Variants in SLX4IP observed in about 807,000 individuals in gnomAD.
SLX4IP encodes SLX4 interacting protein, also known as protein SLX4IP.
SLX4IP carries 34 observed loss-of-function variants against 32.9 expected under a neutral mutation model. That is an observed-to-expected ratio of 1.03 (90% CI 0.79 to 1.38). The LOEUF (loss-of-function observed/expected upper bound fraction) is 1.38, where lower values mean the gene tolerates loss of function less well. SLX4IP is among the 40% of genes most tolerant of loss of function. The pLI, the probability that SLX4IP is intolerant of heterozygous loss-of-function variation, is 0.00. For synonymous variants in SLX4IP, 172 were observed against 171.7 expected, an observed-to-expected ratio of 1.00 and a Z score of -0.01; for missense variants, 444 against 479.0, an observed-to-expected ratio of 0.93 and a Z score of 0.68.
chr20:10,625,452 A>G lies in SLX4IP; in HGVS notation c.*2073A>G, dbSNP rs1189545630. 1 of 152,164 alleles carries G rather than the reference A, an allele frequency of 6.6e-6. No individual in the cohort carries two copies. Among genetic ancestry groups the G allele is most frequent in the African/African-American group, 2.4e-5 (1 of 41,432 alleles). The allele number at this position is 152,164 out of a possible 1,614,324, so 9.4% of individuals were successfully genotyped here. Reference sequence around the variant, plus strand: ...GCTGGAGCCACCAGAGAACATTTCTATTGAGAAGTTTTTATTTGTTTGTTC... The same window carrying G: ...GCTGGAGCCACCAGAGAACATTTCTGTTGAGAAGTTTTTATTTGTTTGTTC... On this transcript the variant is annotated 3_prime_UTR_variant, in exon 8 of 8. Transcript: ENST00000334534.
At chr20:10,565,477 G>T (rs1011485571) in intron 4 of SLX4IP, among the ~76,000 whole-genome samples, 5 of 152,134 alleles carry the variant, frequency 3.3e-5, no homozygotes, top group Non-Finnish European at 5.9e-5. Context: ...CCACCCTGCA[G>T]AGACTGACTG....
intron 2 of SLX4IP, among the ~76,000 whole-genome samples, chr20:10,479,864 C>G (rs926274096): frequency 6.6e-6 from 1 of 151,292 alleles, no homozygotes; most frequent in Non-Finnish European, 1.5e-5. Context: ...ATTAGCTGGG[C>G]GTGGTGGTGG....
Position 10,491,156 on chromosome 20 carries a change from T to C in SLX4IP, c.27+32925T>C, listed in dbSNP as rs76417563. Among the ~76,000 whole-genome samples the C allele has an allele frequency of 1.9e-3, 282 of 152,286 alleles. 6 individuals are homozygous for C. The highest frequency in any genetic ancestry group is 0.013 in the Admixed American group (203 of 15,292). On this transcript the variant is annotated intron_variant, in intron 2 of 7. Coordinates refer to ENST00000334534, the MANE Select transcript of SLX4IP (RefSeq NM_001009608.3). ...TGCAGATGTAATTCTTTAAAATAAT[T>C]TGTGTTTTAAATACTTAATAAAATG... is the stretch of plus-strand genomic sequence containing the variant.
chr20:10,440,582 C>T (rs1026614109), intron 1 of SLX4IP, among the ~76,000 whole-genome samples: 1 of 152,076 alleles, frequency 6.6e-6, no homozygotes, highest in Admixed American at 6.6e-5. Flanking sequence ...TAACCACTAT[C>T]GAAATCAGCA....
At chr20:10,622,613 G>A (rs1749987286) in intron 7 of SLX4IP, 46 bp from the exon 8 acceptor site, 1 of 1,553,920 alleles carries the variant, frequency 6.4e-7, no homozygotes, top group African/African-American at 1.4e-5. Context: ...AGGAAACAGT[G>A]CAGTGACAGC....
intron 2 of SLX4IP, among the ~76,000 whole-genome samples, chr20:10,555,196 TA>T (rs199832360): frequency 0.034 from 4,653 of 137,654 alleles, 183 homozygotes; most frequent in East Asian, 0.18. Flanking sequence ...GGACAGAATT[TA>T]AAAAAAAAAA....
intron 1 of SLX4IP, among the ~76,000 whole-genome samples, chr20:10,441,834 A>G (rs577393794): frequency 2.0e-5 from 3 of 151,806 alleles, no homozygotes; most frequent in African/African-American, 7.3e-5. Flanking sequence ...CCTTTATCTG[A>G]GTGGTCACCA....
At chr20:10,567,380 G>C (rs1022577761) in intron 4 of SLX4IP, among the ~76,000 whole-genome samples, 14 of 152,188 alleles carry the variant, frequency 9.2e-5, no homozygotes, top group Non-Finnish European at 1.6e-4. Flanking sequence ...TGTTTTAAAA[G>C]GGCTTGATGG....
intron 2 of SLX4IP, among the ~76,000 whole-genome samples, chr20:10,459,212 G>GT (rs1239134785): frequency 2.0e-5 from 3 of 151,594 alleles, no homozygotes; most frequent in Non-Finnish European, 4.4e-5. Flanking sequence ...GGCGTCATTT[G>GT]TTTTTTTTCT....
intron 2 of SLX4IP, among the ~76,000 whole-genome samples, chr20:10,524,749 C>A (rs2065927733): frequency 6.6e-6 from 1 of 152,128 alleles, no homozygotes; most frequent in South Asian, 2.1e-4. Flanking sequence ...GCCATTTGAT[C>A]TTATCTTTTC....
At chr20:10,472,858 T>C (rs778748381) in intron 2 of SLX4IP, among the ~76,000 whole-genome samples, 5 of 152,202 alleles carry the variant, frequency 3.3e-5, no homozygotes, top group Non-Finnish European at 7.4e-5. Flanking sequence ...AAGATATTCA[T>C]TGAGGTTTTT....
chr20:10,571,345 A>G (rs2066463580), intron 4 of SLX4IP, among the ~76,000 whole-genome samples: 1 of 152,094 alleles, frequency 6.6e-6, no homozygotes, highest in South Asian at 2.1e-4. Context: ...AGGGACTAGG[A>G]GTCATTATTC....
intron 2 of SLX4IP, among the ~76,000 whole-genome samples, chr20:10,478,418 T>C (rs1159668594): frequency 6.6e-6 from 1 of 151,890 alleles, no homozygotes; most frequent in Non-Finnish European, 1.5e-5. Flanking sequence ...AGTTGGGAGG[T>C]AGAGAATGTG....
At chr20:10,551,021 A>T (rs2066213304) in intron 2 of SLX4IP, among the ~76,000 whole-genome samples, 1 of 152,070 alleles carries the variant, frequency 6.6e-6, no homozygotes, top group South Asian at 2.1e-4. Context: ...GAATGTGGGG[A>T]CCTTTCTACA....
intron 1 of SLX4IP, among the ~76,000 whole-genome samples, chr20:10,436,363 T>G (rs997979941): frequency 9.0e-6 from 1 of 111,730 alleles, no homozygotes; most frequent in Non-Finnish European, 2.3e-5. Flanking sequence ...TTTCTTTCTT[T>G]CTTTTTTTTT....
chr20:10,559,879 A>G (rs1601002351), intron 3 of SLX4IP, among the ~76,000 whole-genome samples: 1 of 152,196 alleles, frequency 6.6e-6, no homozygotes, highest in Non-Finnish European at 1.5e-5. Context: ...ACAAAAACAA[A>G]GGCATATACA....
At chr20:10,569,326 C>T (rs529980862) in intron 4 of SLX4IP, among the ~76,000 whole-genome samples, 1 of 152,212 alleles carries the variant, frequency 6.6e-6, no homozygotes, top group East Asian at 1.9e-4. Context: ...GCTGGGATTA[C>T]AGGTGCGTGC....
At chr20:10,515,040 G>A (rs919230589) in intron 2 of SLX4IP, among the ~76,000 whole-genome samples, 1 of 149,312 alleles carries the variant, frequency 6.7e-6, no homozygotes, top group Non-Finnish European at 1.5e-5. Flanking sequence ...GAAGGTCGAT[G>A]CGTCTTTTGT....
At chr20:10,466,348 A>C (rs1374140623) in intron 2 of SLX4IP, among the ~76,000 whole-genome samples, 1 of 152,196 alleles carries the variant, frequency 6.6e-6, no homozygotes, top group East Asian at 1.9e-4. Context: ...CTCTGTAGAT[A>C]ATTTCCTCTG....
Sources: allele counts gnomAD v4.1 joint callset (sites outside exome capture counted in the v4.1 genomes callset), GRCh38; gene constraint gnomAD v4.1.1; transcripts MANE v1.5; gene names NCBI Gene and HGNC (gene_info 2026-07-23, HGNC 2026-07-21).